The following TBL1X variants were observed in gnomAD, a reference collection of about 807,000 sequenced individuals.
TBL1X encodes F-box-like/WD repeat-containing protein TBL1X.
TBL1X carries 10 observed loss-of-function variants against 50.7 expected under a neutral mutation model. That is an observed-to-expected ratio of 0.20 (90% CI 0.12 to 0.33). The LOEUF is 0.33. TBL1X is among the 10% of genes least tolerant of loss of function. The probability of loss-of-function intolerance (pLI) is 1.00; values close to 1 mark genes in which losing one functional copy is unlikely to be tolerated. For missense variants in TBL1X, 340 were observed against 504.4 expected (o/e 0.67, Z 3.12); for synonymous variants, 190 against 214.7 (o/e 0.88, Z 1.01).
chrX:9,716,344 GC>G lies in TBL1X; in HGVS notation c.*99del, dbSNP rs199708511. 17,632 of 921,723 alleles carry G rather than the reference GC, an allele frequency of 0.019. 133 individuals are homozygous for G. Among genetic ancestry groups the G allele is most frequent in the South Asian group, 0.035 (1,573 of 45,327 alleles). The allele number at this position is 921,723 out of a possible 1,213,427, so 76.0% of individuals were successfully genotyped here. A position where few individuals can be genotyped will look rare whatever the true frequency, so the allele number is the denominator to read the frequency against. On this transcript the variant is annotated 3_prime_UTR_variant, in exon 18 of 18. Coordinates refer to ENST00000645353, the MANE Select transcript of TBL1X (RefSeq NM_005647.4). Reference sequence around the variant, plus strand: ...CTCCAAAACTGTAGGAACTTGACTTGCGTTAGAGTGTACTCTGAAACCAACT... The same window carrying G: ...CTCCAAAACTGTAGGAACTTGACTTGGTTAGAGTGTACTCTGAAACCAACT...
chrX:9,485,632 G>T (rs2081907556), intron 1 of TBL1X, among the ~76,000 whole-genome samples: 1 of 111,947 alleles, frequency 8.9e-6, no homozygotes, highest in African/African-American at 3.2e-5. Flanking sequence ...CCGCCCACAT[G>T]AGACGAGTTT....
chrX:9,652,583 G>A (rs1216848792), intron 3 of TBL1X, among the ~76,000 whole-genome samples: 3 of 112,617 alleles, frequency 2.7e-5, no homozygotes, highest in Non-Finnish European at 3.7e-5. Flanking sequence ...CTGGCCGGGC[G>A]TGGCGGCTCA....
At chrX:9,549,875 C>A (rs867583686) in intron 2 of TBL1X, among the ~76,000 whole-genome samples, 1 of 111,669 alleles carries the variant, frequency 9.0e-6, no homozygotes, top group Middle Eastern at 4.6e-3. Context: ...TAGCTCAGAG[C>A]AGTTCACTGA....
At chrX:9,697,598 C>G (rs775646394) in intron 12 of TBL1X, among the ~76,000 whole-genome samples, 169 bp downstream of exon 12, 4 of 111,883 alleles carry the variant, frequency 3.6e-5, no homozygotes, top group Non-Finnish European at 5.6e-5. Context: ...ATGGCAAAAC[C>G]CATCACTACA....
chrX:9,601,724 GTAT>G (rs1247176684), intron 2 of TBL1X, among the ~76,000 whole-genome samples: 58 of 111,838 alleles, frequency 5.2e-4, no homozygotes, highest in African/African-American at 1.7e-3. Context: ...GCCTGGAGCT[GTAT>G]GTTCATTTTA....
At position 9,711,628 on chromosome X, in the gene TBL1X, C is replaced by A; in HGVS notation, c.1457C>A (p.Thr486Lys). The change falls in exon 16 of 18, where the codon ACG becomes AAG. Residue 486 changes from threonine to lysine, a missense_variant. By Grantham distance (78) the Thr-to-Lys change is moderately conservative. This residue lies in a region of TBL1X where 170 missense variants were observed against 272.6 expected (regional missense o/e 0.62). Coordinates refer to ENST00000645353, the MANE Select transcript of TBL1X (RefSeq NM_005647.4). ...CTTGCTAGTGCTTCGTTTGATTCTACGGTGCGACTGTGGGACATAGAACGA... is the reference window on the plus strand; with the variant it reads ...CTTGCTAGTGCTTCGTTTGATTCTAAGGTGCGACTGTGGGACATAGAACGA... ...IMLASASFDS[T>K]VRLWDIERGV... 8.4e-7 allele frequency: 1 copy of A among 1,196,024 alleles called. No individual in the cohort carries two copies. Among genetic ancestry groups the A allele is most frequent in the South Asian group, 1.8e-5 (1 of 54,632 alleles).
chrX:9,479,937 A>AGTGTGTGTGTGTGT (rs1353868118), intron 1 of TBL1X, among the ~76,000 whole-genome samples: 12 of 37,894 alleles, frequency 3.2e-4, no homozygotes, highest in African/African-American at 6.8e-4. Context: ...AGGAAAGTAG[A>AGTGTGTGTGTGTGT]ATGTGTGTGT....
In TBL1X at chrX:9,548,462, A is replaced by G. The variant is rs753329827; in HGVS notation, c.-131+46613A>G. Among the ~76,000 whole-genome samples, 5 of 112,043 alleles carry G rather than the reference A, an allele frequency of 4.5e-5. No homozygotes were observed. The South Asian group carries it at 1.9e-3, about 41-fold the overall frequency. Reference sequence around the variant, plus strand: ...TTAAAGGCCTAATGCTAAGTCTTACATGTAAACCAGCAAAAATGTCACCTT... The same window carrying G: ...TTAAAGGCCTAATGCTAAGTCTTACGTGTAAACCAGCAAAAATGTCACCTT... On this transcript the variant is annotated intron_variant, in intron 2 of 17. Transcript: ENST00000645353.
At chrX:9,508,908 G>A (rs908132848) in intron 2 of TBL1X, among the ~76,000 whole-genome samples, 1 of 109,418 alleles carries the variant, frequency 9.1e-6, no homozygotes, top group Non-Finnish European at 1.9e-5. Context: ...ACACAGAGAG[G>A]GGAACAACAC....
intron 1 of TBL1X, among the ~76,000 whole-genome samples, chrX:9,480,021 G>A (rs2081872204): frequency 9.3e-6 from 1 of 107,481 alleles, no homozygotes; most frequent in Admixed American, 1.0e-4. Flanking sequence ...CATGATCTCG[G>A]CTCACCGCAA....
intron 2 of TBL1X, among the ~76,000 whole-genome samples, chrX:9,528,770 GTCTT>G (rs2082145404): frequency 9.1e-6 from 1 of 109,682 alleles, no homozygotes; most frequent in Non-Finnish European, 1.9e-5. Flanking sequence ...GGGTCACAGA[GTCTT>G]TAGCTGAACC....
At chrX:9,614,447 G>C (rs937242015) in intron 2 of TBL1X, among the ~76,000 whole-genome samples, 6 of 111,291 alleles carry the variant, frequency 5.4e-5, no homozygotes, top group Non-Finnish European at 1.1e-4. Flanking sequence ...CTGTAGTCCT[G>C]GCTACTCATG....
At chrX:9,573,760 C>T (rs908136984) in intron 2 of TBL1X, among the ~76,000 whole-genome samples, 7 of 112,905 alleles carry the variant, frequency 6.2e-5, no homozygotes, top group African/African-American at 1.9e-4. Context: ...GCCCTCCTCA[C>T]GGGTGAGAGT....
chrX:9,670,825 T>G (rs759810933), intron 5 of TBL1X, among the ~76,000 whole-genome samples: 84 of 112,735 alleles, frequency 7.5e-4, no homozygotes, highest in Non-Finnish European at 1.2e-3. Flanking sequence ...CTGCAGCGGC[T>G]CTTTTACATT....
intron 2 of TBL1X, among the ~76,000 whole-genome samples, chrX:9,553,997 C>A (rs1278687538): frequency 9.0e-6 from 1 of 111,544 alleles, no homozygotes; most frequent in Non-Finnish European, 1.9e-5. Context: ...CCTCCCACCT[C>A]AGCCTCCTGA....
At chrX:9,665,202 GAGGAAGGAGAAA>G (rs2082920219) in intron 5 of TBL1X, among the ~76,000 whole-genome samples, 2 of 108,067 alleles carry the variant, frequency 1.9e-5, no homozygotes, top group Non-Finnish European at 3.8e-5. Context: ...TTTTTCCCTT[GAGGAAGGAGAAA>G]GTCTGCCAAA....
intron 2 of TBL1X, among the ~76,000 whole-genome samples, chrX:9,595,305 A>G (rs2082521769): frequency 8.9e-6 from 1 of 112,102 alleles, no homozygotes; most frequent in African/African-American, 3.2e-5. Context: ...GAGCTGGGAA[A>G]GGGGCCAGGG....
intron 2 of TBL1X, among the ~76,000 whole-genome samples, chrX:9,529,009 C>A (rs933826945): frequency 8.9e-6 from 1 of 111,797 alleles, no homozygotes; most frequent in Admixed American, 9.4e-5. Flanking sequence ...CTGAAAAATA[C>A]GGAGTGGAAA....
Position 9,599,006 on chromosome X carries a change from C to T in TBL1X, c.-130-41267C>T, listed in dbSNP as rs376623877. 8.3e-5 allele frequency among the ~76,000 whole-genome samples: 9 copies of T among 108,302 alleles called. No individual in the cohort carries two copies. The East Asian group carries it at 8.6e-4, about 10-fold the overall frequency. 94.0% of individuals were successfully genotyped at this position (108,302 alleles called of 115,157 possible). On this transcript the variant is annotated intron_variant, in intron 2 of 17. Transcript: ENST00000645353. ...TCGCCCAGGCTGGAGTGCAGTGGCG[C>T]GATCCCGGCTCACTGCAACCCCCGC...
Sources: gnomAD v4.1 joint callset for allele counts (sites outside exome capture counted in the v4.1 genomes callset) on GRCh38, gnomAD v4.1.1 for gene constraint, gnomAD v4.1.1 regional missense constraint, MANE v1.5 for transcripts, NCBI Gene and HGNC (gene_info 2026-07-23, HGNC 2026-07-21) for gene names.